Variants in SDCCAG8 observed in about 807,000 individuals in gnomAD.
SDCCAG8 encodes the protein serologically defined colon cancer antigen 8.
Under a neutral mutation model 101.8 loss-of-function variants are expected in SDCCAG8, and 74 were observed. That is an observed-to-expected ratio of 0.73 (90% CI 0.60 to 0.88). SDCCAG8 has a LOEUF of 0.88. SDCCAG8 is among the 40% of genes least tolerant of loss of function. The probability of loss-of-function intolerance (pLI) is 0.00; values close to 1 mark genes in which losing one functional copy is unlikely to be tolerated. For synonymous variants in SDCCAG8, 281 were observed against 292.9 expected (o/e 0.96, Z 0.41); for missense variants, 787 against 822.6 (o/e 0.96, Z 0.53).
At chr1:243,383,252 G>T (rs1375882078) in intron 13 of SDCCAG8, among the ~76,000 whole-genome samples, 1 of 152,230 alleles carries the variant, frequency 6.6e-6, no homozygotes, top group Admixed American at 6.5e-5. Flanking sequence ...CTTTTCTTAG[G>T]GGAGGTCCCC....
chr1:243,259,854 AAAG>A (rs981884197), intron 1 of SDCCAG8, among the ~76,000 whole-genome samples: 3 of 152,124 alleles, frequency 2.0e-5, no homozygotes, highest in African/African-American at 7.2e-5. Flanking sequence ...ACAAACAAAA[AAAG>A]ATATTTTCCT....
chr1:243,494,602 ATAGGGCT>A (rs1270987348), intron 17 of SDCCAG8, among the ~76,000 whole-genome samples: 3 of 152,224 alleles, frequency 2.0e-5, no homozygotes, highest in Admixed American at 2.0e-4. Context: ...TGAAAAGCGC[ATAGGGCT>A]TCATTTTAGC....
chr1:243,258,027 T>C (rs1227533553), intron 1 of SDCCAG8, among the ~76,000 whole-genome samples: 1 of 152,228 alleles, frequency 6.6e-6, no homozygotes, highest in Non-Finnish European at 1.5e-5. Context: ...TGTTTAATAC[T>C]AGTGGTACTG....
At chr1:243,305,477 G>A (rs1435749198) in intron 7 of SDCCAG8, 1 of 150,558 alleles carries the variant, frequency 6.6e-6, no homozygotes, top group Admixed American at 6.6e-5. Context: ...AATAGTTTGA[G>A]TATTTGTATA....
intron 16 of SDCCAG8, among the ~76,000 whole-genome samples, chr1:243,445,193 G>A (rs538716375): frequency 7.5e-4 from 114 of 152,258 alleles, no homozygotes; most frequent in African/African-American, 2.7e-3. Context: ...CCCGAGTTAT[G>A]TAGAATGGCA....
chr1:243,360,860 C>T (rs2076670393), intron 12 of SDCCAG8, among the ~76,000 whole-genome samples: 1 of 151,956 alleles, frequency 6.6e-6, no homozygotes, highest in South Asian at 2.1e-4. Flanking sequence ...AAACAAAAAA[C>T]AACCTATGTC....
rs999488391 is a variant in SDCCAG8 at position 243,262,188 on chromosome 1, C to A, written c.67+5948C>A. The stretch of plus-strand genomic sequence containing the variant: ...GTGATGTGATCTTGGCTCACTGCAA[C>A]TTCTGCCTCCTGAGTTCAAGCGATT... On this transcript the variant is annotated intron_variant, in intron 1 of 17. Coordinates refer to ENST00000366541, the MANE Select transcript of SDCCAG8 (RefSeq NM_006642.5). Among the ~76,000 whole-genome samples the A allele has an allele frequency of 6.8e-5, 10 of 147,364 alleles. 2 individuals are homozygous for A. Among genetic ancestry groups the A allele is most frequent in the Non-Finnish European group, 1.1e-4 (7 of 65,858 alleles).
chr1:243,333,272 A>G (rs1423385530), intron 10 of SDCCAG8, among the ~76,000 whole-genome samples: 4 of 152,130 alleles, frequency 2.6e-5, no homozygotes, highest in Non-Finnish European at 5.9e-5. Context: ...TCTCTTTCTT[A>G]TCCTCAGGAA....
At chr1:243,429,990 C>A (rs974320772) in intron 16 of SDCCAG8, among the ~76,000 whole-genome samples, 1 of 151,994 alleles carries the variant, frequency 6.6e-6, no homozygotes, top group African/African-American at 2.4e-5. Context: ...AGCCACCATG[C>A]CTGGCCTAAT....
intron 3 of SDCCAG8, 105 bp downstream of exon 3, chr1:243,271,168 A>T: frequency 1.3e-6 from 1 of 761,578 alleles, no homozygotes; most frequent in African/African-American, 1.7e-5. Context: ...GCATACTAAT[A>T]GTGAAAAACA....
chr1:243,493,865 C>A (rs560256244), intron 17 of SDCCAG8, among the ~76,000 whole-genome samples: 1 of 151,776 alleles, frequency 6.6e-6, no homozygotes, highest in South Asian at 2.1e-4. Flanking sequence ...GGAGGAAAGG[C>A]CCATTGCAAC....
chr1:243,256,140 A>G lies in SDCCAG8; in HGVS notation c.-34A>G. ...AAGGGAGAAAGCTGGACATTTCCCC[A>G]CGTAACTCCCAGCTCTGGGCCTAGA... is the stretch of plus-strand genomic sequence containing the variant. On this transcript the variant is annotated 5_prime_UTR_variant, in exon 1 of 18. Coordinates refer to ENST00000366541, the MANE Select transcript of SDCCAG8 (RefSeq NM_006642.5). The G allele has an allele frequency of 6.3e-7, 1 of 1,599,112 alleles. No individual in the cohort carries two copies. The highest frequency in any genetic ancestry group is 8.6e-7 in the Non-Finnish European group (1 of 1,166,316).
At chr1:243,466,086 TC>T (rs1326451013) in intron 16 of SDCCAG8, among the ~76,000 whole-genome samples, 4 of 152,226 alleles carry the variant, frequency 2.6e-5, no homozygotes, top group Admixed American at 2.6e-4. Flanking sequence ...TATGAGCTAG[TC>T]TTTGCTCCTG....
At chr1:243,483,124 G>A (rs1347349211) in intron 16 of SDCCAG8, among the ~76,000 whole-genome samples, 2 of 152,204 alleles carry the variant, frequency 1.3e-5, no homozygotes, top group South Asian at 2.1e-4. Flanking sequence ...CGCTGGAAGA[G>A]GTTTCCAGGC....
chr1:243,270,330 A>G, intron 2 of SDCCAG8, 73 bp downstream of exon 2: 3 of 1,310,176 alleles, frequency 2.3e-6, no homozygotes, highest in Non-Finnish European at 3.3e-6. Context: ...TAATAACTCC[A>G]TTCATTCTTC....
At chr1:243,492,192 G>A (rs1156849254) in intron 17 of SDCCAG8, among the ~76,000 whole-genome samples, 1 of 151,596 alleles carries the variant, frequency 6.6e-6, no homozygotes, top group East Asian at 1.9e-4. Flanking sequence ...GCTGCCACAT[G>A]GATGCTTTTG....
chr1:243,472,139 A>G (rs755589934), intron 16 of SDCCAG8, among the ~76,000 whole-genome samples: 2 of 152,228 alleles, frequency 1.3e-5, no homozygotes, highest in African/African-American at 2.4e-5. Flanking sequence ...TTTCAGGGTC[A>G]TGGCACATGC....
chr1:243,435,938 T>C (rs1007097664), intron 16 of SDCCAG8, among the ~76,000 whole-genome samples: 1 of 152,116 alleles, frequency 6.6e-6, no homozygotes, highest in Admixed American at 6.6e-5. Context: ...GGTACAAAGA[T>C]TTCCCATATA....
At chr1:243,476,332 G>T (rs937975749) in intron 16 of SDCCAG8, 4 of 985,448 alleles carry the variant, frequency 4.1e-6, no homozygotes, top group Admixed American at 6.1e-5. Flanking sequence ...CAAATTACTT[G>T]CATTAAAACC....
Sources: gnomAD v4.1 joint callset for allele counts (sites outside exome capture counted in the v4.1 genomes callset) on GRCh38, gnomAD v4.1.1 for gene constraint, MANE v1.5 for transcripts, NCBI Gene and HGNC (gene_info 2026-07-23, HGNC 2026-07-21) for gene names.